Variants in DNAH10 observed in about 807,000 individuals in gnomAD.
DNAH10 encodes the protein dynein axonemal heavy chain 10, also known as axonemal beta dynein heavy chain 10.
Under a neutral mutation model 506.6 loss-of-function variants are expected in DNAH10, and 348 were observed. That is an observed-to-expected ratio of 0.69 (90% CI 0.63 to 0.75). The LOEUF (loss-of-function observed/expected upper bound fraction) is 0.75. DNAH10 is among the 30% of genes least tolerant of loss of function. The pLI is 0.00. For synonymous variants in DNAH10, 2,059 were observed against 2,198.6 expected, an observed-to-expected ratio of 0.94 and a Z score of 1.78; for missense variants, 5,179 against 5,787.1, an observed-to-expected ratio of 0.89 and a Z score of 3.41.
chr12:123,868,304 G>A (rs77819225), intron 43 of DNAH10, among the ~76,000 whole-genome samples, 185 bp downstream of exon 43: 4 of 152,126 alleles, frequency 2.6e-5, no homozygotes, highest in African/African-American at 9.7e-5. Context: ...TGCATTGACT[G>A]CTGTGACAGA....
At chr12:123,834,903 A>C (rs1451477601) in intron 27 of DNAH10, among the ~76,000 whole-genome samples, 1 of 152,150 alleles carries the variant, frequency 6.6e-6, no homozygotes, top group Non-Finnish European at 1.5e-5. Flanking sequence ...GATTGATCAC[A>C]TGTTGTTTTT....
chr12:123,868,350 G>A (rs1367043120), intron 43 of DNAH10, among the ~76,000 whole-genome samples: 1 of 152,208 alleles, frequency 6.6e-6, no homozygotes. Flanking sequence ...CTGGATGAGA[G>A]TCAACTTCTC....
intron 36 of DNAH10, among the ~76,000 whole-genome samples, chr12:123,855,796 C>T (rs894814840): frequency 6.6e-6 from 1 of 151,108 alleles, no homozygotes; most frequent in African/African-American, 2.4e-5. Flanking sequence ...TCCCTCTGGC[C>T]GAGATCTGTT....
intron 25 of DNAH10, among the ~76,000 whole-genome samples, chr12:123,829,652 CA>C (rs770176710): frequency 6.6e-6 from 1 of 152,150 alleles, no homozygotes; most frequent in Non-Finnish European, 1.5e-5. Flanking sequence ...TGTGCTAGGC[CA>C]GGGGGTTCAG....
chr12:123,781,216 G>C lies in DNAH10; in HGVS notation c.758G>C (p.Ser253Thr), dbSNP rs566020705. 4 of 1,614,056 alleles carry C rather than the reference G, an allele frequency of 2.5e-6. No homozygotes were observed. The highest frequency in any genetic ancestry group is 1.7e-5 in the Admixed American group (1 of 60,006). ...CCTGGGGAGGCAGTAGAATATCACA[G>C]TATTCAATTAATACGGGATGAATTT... ...PMPGEAVEYH[S>T]IQLIRDEFLM... is the part of the protein sequence containing the mutation. Residue 253 changes from serine (S) to threonine (T), a missense_variant, in exon 6 of 79, where the codon AGT becomes ACT. Around this residue, in one of 3 missense-constraint regions of DNAH10, gnomAD observed 326 missense variants for 330.8 expected, o/e 0.99. Coordinates refer to ENST00000673944, the MANE Select transcript of DNAH10 (RefSeq NM_001372106.1).
intron 39 of DNAH10, among the ~76,000 whole-genome samples, chr12:123,864,306 T>A (rs1951720289): frequency 6.6e-6 from 1 of 151,806 alleles, no homozygotes; most frequent in African/African-American, 2.4e-5. Flanking sequence ...CCACTATGCC[T>A]GGCTAATTTT....
rs1226152428 is a variant in DNAH10 at position 123,879,819 on chromosome 12, C to A, written c.8634+18C>A. 6.2e-7 allele frequency: 1 copy of A among 1,610,666 alleles called. No individual in the cohort carries two copies. The stretch of plus-strand genomic sequence containing the variant: ...TGTTCCAGGTGGGGATGAGCCCCAC[C>A]CTGTCCATGGGCTCACTTTCTCCTG... On this transcript the variant is annotated intron_variant, in intron 50 of 78. Coordinates refer to ENST00000673944, the MANE Select transcript of DNAH10 (RefSeq NM_001372106.1).
chr12:123,867,518 A>G lies in DNAH10; in HGVS notation c.7219A>G (p.Met2407Val). The G allele has an allele frequency of 1.2e-6, 2 of 1,611,320 alleles. No homozygotes were observed. The highest frequency in any genetic ancestry group is 1.3e-5 in the African/African-American group (1 of 74,960). Residue 2407 changes from methionine (M) to valine (V), a missense_variant, in exon 42 of 79, where the codon ATG becomes GTG. Physicochemically the swap from Met to Val is conservative, Grantham distance 21. Transcript: ENST00000673944. ...CTTTGAGAAGTATGTGCCCTATCTC[A>G]TGGATGTGATAGTGGAAGGAATTGT... Reference protein sequence around the residue: ...SLFEKYVPYLMDVIVEGIVDG... With the variant: ...SLFEKYVPYLVDVIVEGIVDG...
At chr12:123,933,933 T>A in intron 77 of DNAH10, 1 of 446,470 alleles carries the variant, frequency 2.2e-6, no homozygotes, top group Non-Finnish European at 3.9e-6. Context: ...TTCAGGTCCC[T>A]TAGACATTGG....
rs116249599 is a variant in DNAH10, at chr12:123,841,209, A to G, written c.5137-113A>G. The G allele has an allele frequency of 2.6e-3, 2,821 of 1,077,680 alleles. 55 individuals carry two copies. In the African/African-American group the frequency reaches 0.039, roughly 15 times the overall value. The allele number at this position is 1,077,680 out of a possible 1,614,324, so 66.8% of individuals were successfully genotyped here. On this transcript the variant is annotated intron_variant, in intron 29 of 78. Transcript: ENST00000673944. ...TCCATCTTGCCTGCGATCTCGGCTCACCGGTTGCCATTGCTTGCATCGTGG... is the reference window on the plus strand; with the variant it reads ...TCCATCTTGCCTGCGATCTCGGCTCGCCGGTTGCCATTGCTTGCATCGTGG...
intron 38 of DNAH10, 47 bp from the exon 39 acceptor site, chr12:123,860,965 A>G (rs1951586334): frequency 1.2e-6 from 2 of 1,613,180 alleles, no homozygotes; most frequent in Non-Finnish European, 1.7e-6. Flanking sequence ...TGTTTTCCTC[A>G]TGCATTTAGT....
rs1206130027 is a variant in DNAH10 at position 123,929,779 on chromosome 12, C to T, written c.12612+20C>T. On this transcript the variant is annotated intron_variant, in intron 72 of 78. Coordinates refer to ENST00000673944, the MANE Select transcript of DNAH10 (RefSeq NM_001372106.1). ...GGAGAGGTAGGGGTGACCGGGGATC[C>T]TTCCGCAGGTGCCTCTGGGGCTACA... 2 of 1,599,874 alleles carry T rather than the reference C, an allele frequency of 1.3e-6. No homozygotes were observed. Among genetic ancestry groups the T allele is most frequent in the Non-Finnish European group, 1.7e-6 (2 of 1,173,002 alleles).
intron 16 of DNAH10, among the ~76,000 whole-genome samples, chr12:123,802,569 G>A (rs1437799679): frequency 2.0e-5 from 3 of 152,142 alleles, no homozygotes; most frequent in African/African-American, 7.2e-5. Context: ...GCCTTTCAAA[G>A]TGCTGGGATT....
intron 76 of DNAH10, 126 bp downstream of exon 76, chr12:123,932,234 G>T: frequency 8.5e-7 from 1 of 1,173,348 alleles, no homozygotes; most frequent in Non-Finnish European, 1.2e-6. Flanking sequence ...TGGGTGCTCT[G>T]GAAATGGTCT....
intron 39 of DNAH10, among the ~76,000 whole-genome samples, chr12:123,863,832 G>A (rs933840802): frequency 7.2e-5 from 11 of 152,210 alleles, no homozygotes; most frequent in African/African-American, 2.7e-4. Flanking sequence ...ACTACACATG[G>A]ACATCCAAAA....
intron 21 of DNAH10, among the ~76,000 whole-genome samples, chr12:123,817,172 A>G (rs1176231476): frequency 3.1e-5 from 4 of 128,496 alleles, no homozygotes; most frequent in Non-Finnish European, 6.5e-5. Flanking sequence ...CAGTTGTAAT[A>G]TGATGTAACT....
intron 23 of DNAH10, 74 bp downstream of exon 23, chr12:123,819,324 T>C: frequency 4.5e-6 from 5 of 1,114,064 alleles, no homozygotes; most frequent in Non-Finnish European, 6.6e-6. Flanking sequence ...TTAAGAGTTT[T>C]ATGGCAAGTG....
chr12:123,772,790 G>T (rs749126896), intron 3 of DNAH10, 44 bp from the exon 4 acceptor site: 1 of 1,413,730 alleles, frequency 7.1e-7, no homozygotes, highest in South Asian at 1.3e-5. Flanking sequence ...TTAGGTGAAT[G>T]GATGTATCAC....
intron 48 of DNAH10, among the ~76,000 whole-genome samples, chr12:123,878,498 C>T (rs1265703181): frequency 2.6e-5 from 4 of 152,204 alleles, no homozygotes; most frequent in Admixed American, 1.3e-4. Flanking sequence ...CTGTCAGGGG[C>T]GGTCAGGAGA....
Sources: gnomAD v4.1 joint callset for allele counts (sites outside exome capture counted in the v4.1 genomes callset) on GRCh38, gnomAD v4.1.1 for gene constraint, gnomAD v4.1.1 regional missense constraint, MANE v1.5 for transcripts, NCBI Gene and HGNC (gene_info 2026-07-23, HGNC 2026-07-21) for gene names.